The following LRMDA variants were observed in gnomAD, a reference collection of about 807,000 sequenced individuals.
LRMDA encodes leucine-rich melanocyte differentiation-associated protein.
LRMDA carries 18 observed loss-of-function variants against 29.8 expected under a neutral mutation model. The observed-to-expected ratio is 0.60, with a 90% CI of 0.42 to 0.90. The LOEUF (loss-of-function observed/expected upper bound fraction) is 0.90. Ranked by LOEUF, LRMDA falls within the 40% of genes least tolerant of loss-of-function variation. The pLI, the probability that LRMDA is intolerant of heterozygous loss-of-function variation, is 0.00. For synonymous variants in LRMDA, 125 were observed against 109.4 expected (o/e 1.14, Z -0.89); for missense variants, 273 against 273.9 (o/e 1.00, Z 0.02).
Position 76,145,327 on chromosome 10 carries a change from T to C in LRMDA, c.516+86544T>C, listed in dbSNP as rs551162546. On this transcript the variant is annotated intron_variant, in intron 5 of 6. Coordinates refer to ENST00000611255, the MANE Select transcript of LRMDA (RefSeq NM_001305581.2). ...TGTGAATCCATCTGGTCCTGGACTT[T>C]TTTTGGTTGGTAAGCTATTGATTAT... Among the ~76,000 whole-genome samples, 8 of 152,314 alleles carry C rather than the reference T, an allele frequency of 5.3e-5. No individual in the cohort carries two copies. The East Asian group carries it at 1.5e-3, about 29-fold the overall frequency.
chr10:76,181,363 C>G (rs775679404), intron 5 of LRMDA, among the ~76,000 whole-genome samples: 2 of 152,198 alleles, frequency 1.3e-5, no homozygotes, highest in Admixed American at 6.5e-5. Context: ...ATGTTTGACT[C>G]ATCGTCAGTA....
At chr10:75,883,630 C>T in intron 2 of LRMDA, 1 of 152,056 alleles carries the variant, frequency 6.6e-6, no homozygotes, top group East Asian at 1.9e-4. Context: ...TCAGAACTTT[C>T]TGCCCATTGG....
chr10:76,191,184 T>C (rs1028293465), intron 5 of LRMDA, among the ~76,000 whole-genome samples: 1 of 152,208 alleles, frequency 6.6e-6, no homozygotes, highest in Non-Finnish European at 1.5e-5. Flanking sequence ...AAATTAATTA[T>C]TCTGTCAGAG....
At chr10:75,840,117 A>G (rs745554903) in intron 2 of LRMDA, among the ~76,000 whole-genome samples, 5 of 152,026 alleles carry the variant, frequency 3.3e-5, no homozygotes, top group African/African-American at 4.8e-5. Context: ...GTATCATCCA[A>G]TTCTACTTCT....
intron 5 of LRMDA, among the ~76,000 whole-genome samples, chr10:76,207,921 G>A (rs1405750304): frequency 1.3e-5 from 2 of 151,924 alleles, no homozygotes; most frequent in Admixed American, 6.6e-5. Context: ...CCGAGATCAG[G>A]CCACTGCACT....
intron 5 of LRMDA, among the ~76,000 whole-genome samples, chr10:76,074,758 G>A (rs1352368147): frequency 6.6e-6 from 1 of 152,102 alleles, no homozygotes; most frequent in Non-Finnish European, 1.5e-5. Context: ...CCTCCTAGGT[G>A]AAATTCATTG....
chr10:75,613,434 A>G (rs1841058804), intron 2 of LRMDA, among the ~76,000 whole-genome samples: 1 of 152,204 alleles, frequency 6.6e-6, no homozygotes, highest in African/African-American at 2.4e-5. Flanking sequence ...GGACTGGTAC[A>G]CTTAAAATAT....
chr10:76,461,957 C>T (rs1842516070), intron 6 of LRMDA, among the ~76,000 whole-genome samples: 1 of 151,596 alleles, frequency 6.6e-6, no homozygotes. Flanking sequence ...CACCTGTAGT[C>T]CCAGCTACTT....
chr10:75,805,042 A>G (rs1843826163), intron 2 of LRMDA, among the ~76,000 whole-genome samples: 3 of 151,984 alleles, frequency 2.0e-5, no homozygotes, highest in African/African-American at 7.2e-5. Context: ...TGCCTCAACT[A>G]CTCCTTTACC....
chr10:76,521,369 T>C (rs1287617908), intron 6 of LRMDA, among the ~76,000 whole-genome samples: 1 of 152,124 alleles, frequency 6.6e-6, no homozygotes, highest in Non-Finnish European at 1.5e-5. Context: ...CTCCTGACCT[T>C]GTGATCTGCC....
chr10:76,036,458 G>T (rs143330550), intron 3 of LRMDA, among the ~76,000 whole-genome samples: 179 of 152,288 alleles, frequency 1.2e-3, no homozygotes, highest in African/African-American at 4.2e-3. Context: ...TAATGTCACC[G>T]CTGCAGAGGC....
At chr10:75,559,793 G>C (rs12411499) in intron 2 of LRMDA, among the ~76,000 whole-genome samples, 8,044 of 51,878 alleles carry the variant, frequency 0.16, 1,827 homozygotes, top group East Asian at 0.43. Context: ...ATAGGGAATC[G>C]TTTCCCCATT....
At chr10:75,878,170 C>A (rs1196948003) in intron 2 of LRMDA, among the ~76,000 whole-genome samples, 2 of 152,136 alleles carry the variant, frequency 1.3e-5, no homozygotes, top group Non-Finnish European at 2.9e-5. Context: ...CTCAATTAGA[C>A]CCTCTGGCTT....
chr10:75,785,287 G>A (rs982282412), intron 2 of LRMDA, among the ~76,000 whole-genome samples: 17 of 152,216 alleles, frequency 1.1e-4, no homozygotes, highest in African/African-American at 3.4e-4. Context: ...GAAGTTGGCA[G>A]AAGACAATTC....
intron 2 of LRMDA, among the ~76,000 whole-genome samples, chr10:75,473,797 A>C (rs560000395): frequency 6.6e-6 from 1 of 152,198 alleles, no homozygotes; most frequent in Non-Finnish European, 1.5e-5. Context: ...TGTTTGTGTC[A>C]TCATGATCAT....
chr10:76,319,536 T>A (rs1430125822), intron 5 of LRMDA, among the ~76,000 whole-genome samples: 1 of 152,168 alleles, frequency 6.6e-6, no homozygotes, highest in Non-Finnish European at 1.5e-5. Flanking sequence ...TGTTTTTTTT[T>A]ATGACCCAGC....
intron 5 of LRMDA, among the ~76,000 whole-genome samples, chr10:76,220,909 G>A (rs1263022919): frequency 6.6e-6 from 1 of 151,572 alleles, no homozygotes; most frequent in Non-Finnish European, 1.5e-5. Flanking sequence ...AGCACATCAA[G>A]AAGCTTATCC....
At chr10:75,434,425 A>G (rs1331827141) in intron 1 of LRMDA, among the ~76,000 whole-genome samples, 2 of 152,208 alleles carry the variant, frequency 1.3e-5, no homozygotes, top group Non-Finnish European at 2.9e-5. Context: ...CATTATTCTT[A>G]ACACCTTTGG....
At chr10:76,122,522 A>G (rs1348632016) in intron 5 of LRMDA, among the ~76,000 whole-genome samples, 1 of 152,038 alleles carries the variant, frequency 6.6e-6, no homozygotes, top group Non-Finnish European at 1.5e-5. Flanking sequence ...TGGAGATGAT[A>G]ATTGTCTCTA....
Sources: allele counts gnomAD v4.1 joint callset (sites outside exome capture counted in the v4.1 genomes callset), GRCh38; gene constraint gnomAD v4.1.1; transcripts MANE v1.5; gene names NCBI Gene and HGNC (gene_info 2026-07-23, HGNC 2026-07-21).